Variants in VRK3 observed in about 807,000 individuals in gnomAD.
VRK3 encodes the protein VRK serine/threonine kinase 3, also known as serine/threonine-protein kinase VRK3.
In VRK3, 50 loss-of-function variants were observed where a neutral mutation model predicts 60.4. That is an observed-to-expected ratio of 0.83 (90% CI 0.66 to 1.05). VRK3 has a LOEUF of 1.05. Among genes scored for constraint, VRK3 ranks in the 50% least tolerant of loss-of-function variants. VRK3 has a pLI of 0.00. For synonymous variants in VRK3, 246 were observed against 227.8 expected, an observed-to-expected ratio of 1.08 and a Z score of -0.72; for missense variants, 549 against 585.3, an observed-to-expected ratio of 0.94 and a Z score of 0.64.
Position 50,009,250 on chromosome 19 carries a change from G to A in VRK3, c.275C>T (p.Ser92Phe), listed in dbSNP as rs2076955143. ...SSESEDTLSSSERSKGSGSRP... is the reference protein window; with the variant it reads ...SSESEDTLSSFERSKGSGSRP... ...TTAACTCTTACCTTTGGATCTCTCA[G>A]AGGAACTCAGAGTATCTTCAGACTC... is the stretch of plus-strand genomic sequence containing the variant. The change falls in exon 4 of 15, where the codon TCT becomes TTT. Residue 92 changes from serine (S) to phenylalanine (F), a missense_variant. By Grantham distance (155) the Ser-to-Phe change is radical (BLOSUM62 -2). Coordinates refer to ENST00000316763, the MANE Select transcript of VRK3 (RefSeq NM_016440.4). The A allele has an allele frequency of 5.6e-6, 9 of 1,613,990 alleles. No homozygotes were observed. The highest frequency in any genetic ancestry group is 7.6e-6 in the Non-Finnish European group (9 of 1,179,996).
In VRK3 at chr19:49,992,825, G is replaced by C. The variant is rs373599833; in HGVS notation, c.963+35C>G. 6.3e-6 allele frequency: 10 copies of C among 1,596,914 alleles called. 1 individual carries two copies. In the African/African-American group the frequency reaches 8.0e-5, roughly 13 times the overall value. The stretch of plus-strand genomic sequence containing the variant: ...GGAGACAGATGGGAACCTGAGCCCA[G>C]AGATCTTCCAGAGTGGGCAGGAGCT... On this transcript the variant is annotated intron_variant, in intron 10 of 14. Transcript: ENST00000316763.
intron 7 of VRK3, among the ~76,000 whole-genome samples, chr19:49,996,309 C>T (rs547028560): frequency 5.9e-5 from 9 of 152,160 alleles, no homozygotes; most frequent in East Asian, 3.9e-4. Context: ...CACCGGCCTC[C>T]GCCTCCAAAA....
Position 50,009,349 on chromosome 19 carries a change from G to A in VRK3, c.176C>T (p.Ser59Phe), listed in dbSNP as rs2033262. 15,822 of 1,613,902 alleles carry A rather than the reference G, an allele frequency of 9.8e-3. 1,355 individuals are homozygous for A. In the African/African-American group the frequency reaches 0.18, roughly 19 times the overall value. Residue 59 changes from serine to phenylalanine, a missense_variant, in exon 4 of 15, where the codon TCT becomes TTT. By Grantham distance (155) the Ser-to-Phe change is radical. Coordinates refer to ENST00000316763, the MANE Select transcript of VRK3 (RefSeq NM_016440.4). ...KRGLNSSFET[S>F]PKKVKWSSTV... ...GCTGGACCATTTCACTTTCTTAGGAGAGGTTTCAAAACTGGAGTTCAGCCC... is the reference window on the plus strand; with the variant it reads ...GCTGGACCATTTCACTTTCTTAGGAAAGGTTTCAAAACTGGAGTTCAGCCC...
chr19:49,977,099 G>T (rs768265377), intron 14 of VRK3, among the ~76,000 whole-genome samples: 3 of 152,156 alleles, frequency 2.0e-5, no homozygotes, highest in Admixed American at 1.3e-4. Context: ...CTCGGGTCTT[G>T]AGAAGCAGCA....
At chr19:49,988,552 C>T (rs2076557187) in intron 11 of VRK3, 60 bp from the exon 12 acceptor site, 1 of 1,582,282 alleles carries the variant, frequency 6.3e-7, no homozygotes, top group African/African-American at 1.3e-5. Flanking sequence ...ACTGGTGGGT[C>T]CACCCCCCTT....
intron 12 of VRK3, among the ~76,000 whole-genome samples, chr19:49,984,516 C>A (rs2076479625): frequency 6.6e-6 from 1 of 152,206 alleles, no homozygotes; most frequent in Admixed American, 6.5e-5. Context: ...CGTGTCTCCT[C>A]CCAGCCCTGA....
At chr19:49,999,899 G>A (rs1246144842) in intron 6 of VRK3, 1 of 152,274 alleles carries the variant, frequency 6.6e-6, no homozygotes, top group Non-Finnish European at 1.5e-5. Flanking sequence ...GCAGAGAAGT[G>A]TTAAATGGGA....
intron 10 of VRK3, among the ~76,000 whole-genome samples, chr19:49,990,413 G>A (rs1042013837): frequency 6.6e-6 from 1 of 152,186 alleles, no homozygotes; most frequent in East Asian, 1.9e-4. Flanking sequence ...TTGAGATGGG[G>A]TTTCACTCTG....
chr19:50,021,580 T>G (rs1456041246), intron 1 of VRK3, among the ~76,000 whole-genome samples: 1 of 152,188 alleles, frequency 6.6e-6, no homozygotes, highest in Non-Finnish European at 1.5e-5. Context: ...TCAGACCACT[T>G]AAACCCCAGC....
rs765925102 is a variant in VRK3 at position 50,007,806 on chromosome 19, T to C, written c.310A>G (p.Thr104Ala). ...GTCTTCTGAGGGCTGCTTTTGGGGG[T>C]TGGGGGTCTGCTCCCGGAGCCTGCA... ...RSKGSGSRPP[T>A]PKSSPQKTRK... The change falls in exon 5 of 15, where the codon ACC (threonine) becomes GCC (alanine). Residue 104 changes from threonine (T) to alanine (A), a missense_variant. Thr to Ala is a moderately conservative substitution (Grantham distance 58). Coordinates refer to ENST00000316763, the MANE Select transcript of VRK3 (RefSeq NM_016440.4). The C allele has an allele frequency of 3.1e-6, 5 of 1,613,894 alleles. No homozygotes were observed. Among genetic ancestry groups the C allele is most frequent in the Non-Finnish European group, 4.2e-6 (5 of 1,179,998 alleles).
In VRK3 at chr19:49,988,430, AC is replaced by A. The variant is rs1334585073; in HGVS notation, c.1158del (p.Leu388CysfsTer14). 1 of 1,613,676 alleles carries A rather than the reference AC, an allele frequency of 6.2e-7. No individual in the cohort carries two copies. Among genetic ancestry groups the A allele is most frequent in the East Asian group, 2.2e-5 (1 of 44,854 alleles). On this transcript the variant is annotated frameshift_variant, in exon 12 of 15. Coordinates refer to ENST00000316763, the MANE Select transcript of VRK3 (RefSeq NM_016440.4). LOFTEE classifies it high-confidence loss of function. The part of the protein sequence containing the change: ...LGYCMLKWLY[G>X]FLPWTNCLPN... Reference sequence around the variant, plus strand: ...GGAAGGCAATTTGTCCATGGCAGAAACCCGTAGAGCCACTTCAGCATGCAGT... The same window carrying A: ...GGAAGGCAATTTGTCCATGGCAGAAACCGTAGAGCCACTTCAGCATGCAGT...
In VRK3 at chr19:49,988,483, C is replaced by T. The variant is rs771945391; in HGVS notation, c.1106G>A (p.Arg369His). 1.1e-5 allele frequency: 18 copies of T among 1,612,786 alleles called. No homozygotes were observed. The highest frequency in any genetic ancestry group is 2.2e-5 in the South Asian group (2 of 91,026). The change falls in exon 12 of 15, where the codon CGC (arginine) becomes CAC (histidine). Residue 369 changes from arginine (R) to histidine (H), a missense_variant. Arg to His is a conservative substitution (Grantham distance 29). Transcript: ENST00000316763. ...GCCCAGGCTCTGGAGGTCGCTGCGG[C>T]GGGAGGGCCCTGGGGAAGGAGGAGT... ...MDLHKGCGPS[R>H]RSDLQSLGYC... is the part of the protein sequence containing the mutation.
chr19:50,004,489 C>G (rs1345800261), intron 5 of VRK3, among the ~76,000 whole-genome samples: 1 of 152,224 alleles, frequency 6.6e-6, no homozygotes, highest in Non-Finnish European at 1.5e-5. Flanking sequence ...AATCCCAGCT[C>G]TACTACTTCC....
intron 2 of VRK3, among the ~76,000 whole-genome samples, chr19:50,017,844 A>G (rs577402912): frequency 1.2e-3 from 181 of 151,664 alleles, no homozygotes; most frequent in African/African-American, 4.2e-3. Flanking sequence ...TTTTTTTTTT[A>G]GAGACGGGGT....
chr19:49,983,470 G>A (rs1203139238), intron 12 of VRK3, among the ~76,000 whole-genome samples: 1 of 152,196 alleles, frequency 6.6e-6, no homozygotes, highest in Non-Finnish European at 1.5e-5. Flanking sequence ...TGACATACAT[G>A]CGCAGGAAGG....
At chr19:49,999,190 T>C (rs757111516) in intron 6 of VRK3, 2 of 152,184 alleles carry the variant, frequency 1.3e-5, no homozygotes, top group Non-Finnish European at 2.9e-5. Flanking sequence ...TGTCACATAA[T>C]AGGTTCTCAA....
intron 3 of VRK3, 122 bp from the exon 4 acceptor site, chr19:50,009,507 C>A: frequency 4.5e-6 from 5 of 1,112,480 alleles, no homozygotes; most frequent in Non-Finnish European, 6.4e-6. Context: ...AACACCAATT[C>A]TTGCTTCTTC....
rs1307482031 is a variant in VRK3 at position 49,981,092 on chromosome 19, T to C, written c.1218-79A>G. 3.1e-5 allele frequency: 34 copies of C among 1,106,136 alleles called. 1 individual carries two copies. Among genetic ancestry groups the C allele is most frequent in the Non-Finnish European group, 4.0e-5 (33 of 826,076 alleles). The allele number at this position is 1,106,136 out of a possible 1,614,324, so 68.5% of individuals were successfully genotyped here. A position where few individuals can be genotyped will look rare whatever the true frequency, so the allele number is the denominator to read the frequency against. On this transcript the variant is annotated intron_variant, in intron 12 of 14. Coordinates refer to ENST00000316763, the MANE Select transcript of VRK3 (RefSeq NM_016440.4). ...TTTAAAACAGAATGCCTAAGATATA[T>C]ACACAGCCTAAGATATATACACAGT...
At chr19:50,013,781 A>G (rs2077032865) in intron 3 of VRK3, among the ~76,000 whole-genome samples, 3 of 152,212 alleles carry the variant, frequency 2.0e-5, no homozygotes, top group Non-Finnish European at 4.4e-5. Flanking sequence ...AGAAACACAA[A>G]AAGTTTCTGT....
Sources: allele counts gnomAD v4.1 joint callset (sites outside exome capture counted in the v4.1 genomes callset), GRCh38; gene constraint gnomAD v4.1.1; transcripts MANE v1.5; gene names NCBI Gene and HGNC (gene_info 2026-07-23, HGNC 2026-07-21).